The following PRLR variants were observed in gnomAD, a reference collection of about 807,000 sequenced individuals.
PRLR encodes hPRL receptor.
A neutral mutation model predicts 40.2 loss-of-function variants in PRLR; 13 were observed. The observed-to-expected ratio is 0.32, with a 90% CI of 0.21 to 0.51. The LOEUF (loss-of-function observed/expected upper bound fraction) is 0.51. Among genes scored for constraint, PRLR ranks in the 20% least tolerant of loss-of-function variants. The pLI, the probability that PRLR is intolerant of heterozygous loss-of-function variation, is 0.97. For missense variants in PRLR, 656 were observed against 747.3 expected (o/e 0.88, Z 1.42); for synonymous variants, 269 against 278.7 (o/e 0.97, Z 0.35).
chr5:35,105,109 G>A (rs766105407), intron 2 of PRLR, among the ~76,000 whole-genome samples: 1 of 152,212 alleles, frequency 6.6e-6, no homozygotes, highest in Non-Finnish European at 1.5e-5. Context: ...AGGCAAACAG[G>A]TTCTGGAGTG....
intron 1 of PRLR, among the ~76,000 whole-genome samples, chr5:35,136,809 G>T (rs1014364305): frequency 2.6e-5 from 4 of 152,154 alleles, no homozygotes; most frequent in African/African-American, 7.2e-5. Context: ...AACATAGATT[G>T]CTAAGCTCCA....
intron 1 of PRLR, among the ~76,000 whole-genome samples, chr5:35,181,677 A>G (rs1775301113): frequency 2.0e-5 from 3 of 152,208 alleles, no homozygotes; most frequent in Non-Finnish European, 2.9e-5. Context: ...AGCCCAGCAA[A>G]TCCCTTTTTT....
chr5:35,202,582 C>T (rs761138609), intron 1 of PRLR, among the ~76,000 whole-genome samples: 1 of 152,110 alleles, frequency 6.6e-6, no homozygotes, highest in African/African-American at 2.4e-5. Flanking sequence ...CTAGACTGTG[C>T]TTAGGGAGAC....
chr5:35,097,645 TC>T (rs1771613655), intron 2 of PRLR, among the ~76,000 whole-genome samples: 1 of 151,962 alleles, frequency 6.6e-6, no homozygotes, highest in Admixed American at 6.6e-5. Context: ...AGATTCTGAG[TC>T]CTCTAAGGCA....
chr5:35,078,693 C>T (rs1561275751), intron 5 of PRLR, among the ~76,000 whole-genome samples: 2 of 152,198 alleles, frequency 1.3e-5, no homozygotes, highest in African/African-American at 4.8e-5. Context: ...AGGGAATCCT[C>T]CCTAACTCAT....
intron 1 of PRLR, among the ~76,000 whole-genome samples, chr5:35,213,101 T>C (rs751039552): frequency 8.5e-5 from 13 of 152,202 alleles, no homozygotes; most frequent in Non-Finnish European, 1.5e-4. Flanking sequence ...TATCACATTG[T>C]ACAATAATCA....
rs558226970 is a variant in PRLR at position 35,213,888 on chromosome 5, C to A, written c.-106+16380G>T. Reference sequence around the variant, plus strand: ...TTTTCAGTCCTCAGTGCCTGGGGCCCAGTTCCTGCAGAGCACAGCTCCCGG... The same window carrying A: ...TTTTCAGTCCTCAGTGCCTGGGGCCAAGTTCCTGCAGAGCACAGCTCCCGG... On this transcript the variant is annotated intron_variant, in intron 1 of 9. Coordinates refer to ENST00000618457, the MANE Select transcript of PRLR (RefSeq NM_000949.7). Among the ~76,000 whole-genome samples the A allele has an allele frequency of 4.5e-4, 69 of 152,312 alleles. 2 individuals are homozygous for A. The highest frequency in any genetic ancestry group is 3.4e-3 in the Middle Eastern group (1 of 294).
At chr5:35,136,310 C>A (rs752312349) in intron 1 of PRLR, among the ~76,000 whole-genome samples, 1 of 152,174 alleles carries the variant, frequency 6.6e-6, no homozygotes, top group Non-Finnish European at 1.5e-5. Context: ...AAGAGACGAG[C>A]AGCTTGGGAG....
At chr5:35,108,936 T>C (rs1772458825) in intron 2 of PRLR, among the ~76,000 whole-genome samples, 1 of 152,176 alleles carries the variant, frequency 6.6e-6, no homozygotes, top group Non-Finnish European at 1.5e-5. Context: ...AGAACAAAGC[T>C]GGAGGCATCA....
intron 1 of PRLR, among the ~76,000 whole-genome samples, chr5:35,122,558 T>A (rs1476579037): frequency 1.3e-5 from 2 of 152,330 alleles, no homozygotes; most frequent in East Asian, 3.9e-4. Flanking sequence ...CCAAGGTTAG[T>A]CTTTTGTCCT....
chr5:35,199,592 AT>A (rs5867272), intron 1 of PRLR, among the ~76,000 whole-genome samples: 129,925 of 151,254 alleles, frequency 0.86, 56,507 homozygotes, highest in Non-Finnish European at 0.92. Context: ...TGAAAAAAAA[AT>A]CATCATCTAA....
intron 1 of PRLR, among the ~76,000 whole-genome samples, chr5:35,229,812 T>C (rs960657416): frequency 3.9e-5 from 6 of 152,142 alleles, no homozygotes; most frequent in African/African-American, 1.4e-4. Context: ...AGTCCGGCTT[T>C]CATCACATCA....
At chr5:35,152,850 A>C (rs1481148869) in intron 1 of PRLR, 2 of 152,190 alleles carry the variant, frequency 1.3e-5, no homozygotes, top group African/African-American at 4.8e-5. Context: ...TCACAGCAAC[A>C]ATCCAGGCAA....
intron 2 of PRLR, among the ~76,000 whole-genome samples, chr5:35,107,237 G>A (rs1381042883): frequency 6.6e-6 from 1 of 152,128 alleles, no homozygotes; most frequent in African/African-American, 2.4e-5. Flanking sequence ...GTGTGTAGAG[G>A]GAAATTTATA....
intron 5 of PRLR, among the ~76,000 whole-genome samples, chr5:35,077,142 G>A (rs1467226835): frequency 6.6e-6 from 1 of 152,120 alleles, no homozygotes; most frequent in East Asian, 1.9e-4. Flanking sequence ...ATCAACTAAT[G>A]AGCAAAATAA....
intron 2 of PRLR, among the ~76,000 whole-genome samples, chr5:35,100,037 G>T (rs960397843): frequency 2.0e-5 from 3 of 151,918 alleles, no homozygotes; most frequent in African/African-American, 7.3e-5. Flanking sequence ...AATTAGCTGG[G>T]CCTGGTGGCT....
At chr5:35,193,745 C>T (rs777234957) in intron 1 of PRLR, among the ~76,000 whole-genome samples, 1 of 152,162 alleles carries the variant, frequency 6.6e-6, no homozygotes, top group Non-Finnish European at 1.5e-5. Flanking sequence ...GCACAGCTGC[C>T]GCATCATCCT....
intron 5 of PRLR, among the ~76,000 whole-genome samples, chr5:35,073,031 T>G (rs1769852751): frequency 1.3e-5 from 2 of 152,170 alleles, no homozygotes; most frequent in African/African-American, 4.8e-5. Flanking sequence ...TCCCCATAAT[T>G]TTCATGATGA....
rs1768970108 is a variant in PRLR at position 35,060,468 on chromosome 5, C to A, written c.*4621G>T. On this transcript the variant is annotated 3_prime_UTR_variant, in exon 10 of 10. Transcript: ENST00000618457. ...GTGTCAGCAAGGCTTTCTTGCACTG[C>A]ACCAGGGACACTGACCTGAAACCCT... 6.6e-6 allele frequency: 1 copy of A among 152,198 alleles called. No individual in the cohort carries two copies. The highest frequency in any genetic ancestry group is 2.4e-5 in the African/African-American group (1 of 41,446). 9.4% of individuals were successfully genotyped at this position (152,198 alleles called of 1,614,324 possible).
Sources: allele counts gnomAD v4.1 joint callset (sites outside exome capture counted in the v4.1 genomes callset), GRCh38; gene constraint gnomAD v4.1.1; transcripts MANE v1.5; gene names NCBI Gene and HGNC (gene_info 2026-07-23, HGNC 2026-07-21).